Variants in ADAM30 observed in about 807,000 individuals in gnomAD.
The protein encoded by ADAM30 is ADAM metallopeptidase domain 30.
For missense variants in ADAM30, 960 were observed against 959.4 expected, an observed-to-expected ratio of 1.00 and a Z score of -0.01; for synonymous variants, 382 against 340.9, an observed-to-expected ratio of 1.12 and a Z score of -1.33.
At position 119,894,035 on chromosome 1, in the gene ADAM30, G is replaced by A; in HGVS notation, c.2302C>T (p.Gln768Ter). 3 of 1,613,292 alleles carry A rather than the reference G, an allele frequency of 1.9e-6. No individual in the cohort carries two copies. The highest frequency in any genetic ancestry group is 2.5e-6 in the Non-Finnish European group (3 of 1,179,618). Residue 768 changes from glutamine to a stop codon, truncating the protein, a stop_gained, in exon 1 of 1, where the codon CAG (glutamine) becomes TAG (stop). Coordinates refer to ENST00000369400, the MANE Select transcript of ADAM30 (RefSeq NM_021794.4). LOFTEE classifies it low-confidence loss of function (END_TRUNC). ...TCAATGTTTGCTTTAGATTCTTCCT[G>A]TCCAGTTTTTGCTTTAGATTCTTCC... The part of the protein sequence containing the change: ...GQEESKAKTG[Q>*]EESKANIESK...
In ADAM30 at chr1:119,894,791, T is replaced by C. The variant is rs201440427; in HGVS notation, c.1546A>G (p.Met516Val). The change falls in exon 1 of 1, where the codon ATG (methionine) becomes GTG (valine). Residue 516 changes from methionine to valine, a missense_variant. Transcript: ENST00000369400. ...QCQSIFGPDA[M>V]EAPSECYDAV... ...TCATAGCACTCACTAGGAGCCTCCA[T>C]GGCATCAGGTCCAAAAATGCTTTGG... The C allele has an allele frequency of 6.2e-7, 1 of 1,614,212 alleles. No homozygotes were observed.
At position 119,893,980 on chromosome 1, in the gene ADAM30, T is replaced by C. The variant is rs1346262248; in HGVS notation, c.2357A>G (p.Lys786Arg). Residue 786 changes from lysine (K) to arginine (R), a missense_variant, in exon 1 of 1, where the codon AAG becomes AGG. Coordinates refer to ENST00000369400, the MANE Select transcript of ADAM30 (RefSeq NM_021794.4). ...ESKRPKAKSV[K>R]KQKK ...ATTGCCCGGTTACTTTTTTTGTTTC[T>C]TGACACTCTTTGCTTTGGGTCGTTT... The C allele has an allele frequency of 1.2e-6, 2 of 1,609,000 alleles. No homozygotes were observed. The highest frequency in any genetic ancestry group is 2.2e-5 in the East Asian group (1 of 44,872).
Position 119,894,503 on chromosome 1 carries a change from A to C in ADAM30, c.1834T>G (p.Cys612Gly). ...DLGMINDGTS[C>G]GEGRVCFKKN... ...TTAAAACATACCCGGCCTTCTCCAC[A>C]GGAGGTGCCATCATTTATCATACCT... Residue 612 changes from cysteine to glycine, a missense_variant, in exon 1 of 1, where the codon TGT becomes GGT. Transcript: ENST00000369400. The C allele has an allele frequency of 1.9e-6, 3 of 1,614,066 alleles. No homozygotes were observed. The highest frequency in any genetic ancestry group is 2.5e-6 in the Non-Finnish European group (3 of 1,180,036).
Position 119,893,949 on chromosome 1 carries a change from G to C in ADAM30, c.*15C>G. 6.3e-7 allele frequency: 1 copy of C among 1,599,938 alleles called. No homozygotes were observed. The highest frequency in any genetic ancestry group is 8.5e-7 in the Non-Finnish European group (1 of 1,175,866). Reference sequence around the variant, plus strand: ...TAAATGAGCCTGTGTTACTGAATGAGTATGGATTGCCCGGTTACTTTTTTT... The same window carrying C: ...TAAATGAGCCTGTGTTACTGAATGACTATGGATTGCCCGGTTACTTTTTTT... On this transcript the variant is annotated 3_prime_UTR_variant, in exon 1 of 1. Transcript: ENST00000369400.
At position 119,895,237 on chromosome 1, in the gene ADAM30, C is replaced by G; in HGVS notation, c.1100G>C (p.Arg367Pro). The G allele has an allele frequency of 6.2e-7, 1 of 1,614,122 alleles. No homozygotes were observed. Among genetic ancestry groups the G allele is most frequent in the Non-Finnish European group, 8.5e-7 (1 of 1,180,008 alleles). ...GRLNCIMGSG[R>P]TGFSNCSYIS... ...ATAACTGCAATTGCTAAACCCAGTG[C>G]GTCCTGAGCCCATGATGCAATTAAG... The change falls in exon 1 of 1, where the codon CGC (arginine) becomes CCC (proline). Residue 367 changes from arginine to proline, a missense_variant. Transcript: ENST00000369400.
chr1:119,894,292 A>G lies in ADAM30; in HGVS notation c.2045T>C (p.Ile682Thr), dbSNP rs903353815. Residue 682 changes from isoleucine (I) to threonine (T), a missense_variant, in exon 1 of 1, where the codon ATT becomes ACT. Coordinates refer to ENST00000369400, the MANE Select transcript of ADAM30 (RefSeq NM_021794.4). ...SGPPGLLRGA[I>T]PSSIWVVSII... Reference sequence around the variant, plus strand: ...GGACACAACCCAAATTGACGAGGGAATCGCCCCTCTGAGCAGTCCTGGAGG... The same window carrying G: ...GGACACAACCCAAATTGACGAGGGAGTCGCCCCTCTGAGCAGTCCTGGAGG... The G allele has an allele frequency of 6.2e-7, 1 of 1,614,202 alleles. No individual in the cohort carries two copies. The highest frequency in any genetic ancestry group is 8.5e-7 in the Non-Finnish European group (1 of 1,180,028).
Position 119,894,874 on chromosome 1 carries a change from G to C in ADAM30, c.1463C>G (p.Pro488Arg). Residue 488 changes from proline (P) to arginine (R), a missense_variant, in exon 1 of 1, where the codon CCT becomes CGT. Transcript: ENST00000369400. ...GAAACAACGGCCTTCATACTTGCAAGGGGTTCCATCCTGCTTATAAACGTC... is the reference window on the plus strand; with the variant it reads ...GAAACAACGGCCTTCATACTTGCAACGGGTTCCATCCTGCTTATAAACGTC... ...PNDVYKQDGTPCKYEGRCFRK... is the reference protein window; with the variant it reads ...PNDVYKQDGTRCKYEGRCFRK... The C allele has an allele frequency of 6.2e-7, 1 of 1,614,158 alleles. No individual in the cohort carries two copies. Among genetic ancestry groups the C allele is most frequent in the Non-Finnish European group, 8.5e-7 (1 of 1,180,016 alleles).
Position 119,896,331 on chromosome 1 carries a change from C to T in ADAM30, c.6G>A (p.Arg2=). The change falls in exon 1 of 1, where the codon AGG becomes AGA. Residue 2 remains arginine (R), a synonymous_variant. Transcript: ENST00000369400. ...ATTGGGAGAGGAAGATCTGCACTGA[C>T]CTCATGGTCTGTTCCCTACTCAGCC... is the stretch of plus-strand genomic sequence containing the variant. M[R]SVQIFLSQCR... The T allele has an allele frequency of 6.4e-7, 1 of 1,570,054 alleles. No homozygotes were observed. Among genetic ancestry groups the T allele is most frequent in the Non-Finnish European group, 8.6e-7 (1 of 1,157,364 alleles).
chr1:119,894,210 C>A lies in ADAM30; in HGVS notation c.2127G>T (p.Arg709=). The A allele has an allele frequency of 6.2e-7, 1 of 1,613,576 alleles. No homozygotes were observed. Among genetic ancestry groups the A allele is most frequent in the Admixed American group, 1.7e-5 (1 of 59,952 alleles). Residue 709 remains arginine (R), a synonymous_variant, in exon 1 of 1, where the codon CGG becomes CGT. Coordinates refer to ENST00000369400, the MANE Select transcript of ADAM30 (RefSeq NM_021794.4). The part of the protein sequence containing the change: ...LILSVVFVFF[R]QVIGNHLKPK... Reference sequence around the variant, plus strand: ...GTTTTAAGTGGTTTCCTATCACTTGCCGGAAAAACACAAAAACCACTGAAA... The same window carrying A: ...GTTTTAAGTGGTTTCCTATCACTTGACGGAAAAACACAAAAACCACTGAAA...
At position 119,893,960 on chromosome 1, in the gene ADAM30, C is replaced by A. The variant is rs755555218; in HGVS notation, c.*4G>T. 1 of 1,605,276 alleles carries A rather than the reference C, an allele frequency of 6.2e-7. No individual in the cohort carries two copies. Among genetic ancestry groups the A allele is most frequent in the South Asian group, 1.1e-5 (1 of 88,474 alleles). ...GTGTTACTGAATGAGTATGGATTGC[C>A]CGGTTACTTTTTTTGTTTCTTGACA... On this transcript the variant is annotated 3_prime_UTR_variant, in exon 1 of 1. Transcript: ENST00000369400.
Position 119,894,215 on chromosome 1 carries a change from A to G in ADAM30, c.2122T>C (p.Phe708Leu). 1.2e-6 allele frequency: 2 copies of G among 1,613,822 alleles called. No homozygotes were observed. The highest frequency in any genetic ancestry group is 1.7e-6 in the Non-Finnish European group (2 of 1,179,990). Reference sequence around the variant, plus strand: ...AAGTGGTTTCCTATCACTTGCCGGAAAAACACAAAAACCACTGAAAGGATT... The same window carrying G: ...AAGTGGTTTCCTATCACTTGCCGGAGAAACACAAAAACCACTGAAAGGATT... ...LLILSVVFVF[F>L]RQVIGNHLKP... The change falls in exon 1 of 1, where the codon TTC becomes CTC. Residue 708 changes from phenylalanine (F) to leucine (L), a missense_variant. Physicochemically the swap from Phe to Leu is conservative, Grantham distance 22 (BLOSUM62 0). Coordinates refer to ENST00000369400, the MANE Select transcript of ADAM30 (RefSeq NM_021794.4).
At position 119,894,001 on chromosome 1, in the gene ADAM30, C is replaced by T. The variant is rs202072496; in HGVS notation, c.2336G>A (p.Arg779Gln). The change falls in exon 1 of 1, where the codon CGA becomes CAA. Residue 779 changes from arginine to glutamine, a missense_variant. Arg to Gln is a conservative substitution (Grantham distance 43). Transcript: ENST00000369400. ...TTTCTTGACACTCTTTGCTTTGGGT[C>T]GTTTACTTTCAATGTTTGCTTTAGA... The part of the protein sequence containing the change: ...EESKANIESK[R>Q]PKAKSVKKQK... The T allele has an allele frequency of 1.4e-5, 23 of 1,612,836 alleles. No individual in the cohort carries two copies. Among genetic ancestry groups the T allele is most frequent in the African/African-American group, 1.1e-4 (8 of 74,784 alleles).
chr1:119,894,381 G>A lies in ADAM30; in HGVS notation c.1956C>T (p.Cys652=). Residue 652 remains cysteine, a synonymous_variant, in exon 1 of 1, where the codon TGC becomes TGT. Transcript: ENST00000369400. ...GVCNNRKNCH[C]MYGWAPPFCE... is the part of the protein sequence containing the mutation. ...AGAATGGAGGTGCCCACCCATACAT[G>A]CAGTGGCAGTTTTTTCTGTTGTTGC... 6 of 1,614,160 alleles carry A rather than the reference G, an allele frequency of 3.7e-6. No homozygotes were observed. Among genetic ancestry groups the A allele is most frequent in the African/African-American group, 1.3e-5 (1 of 75,032 alleles).
chr1:119,895,646 T>C lies in ADAM30; in HGVS notation c.691A>G (p.Ile231Val), dbSNP rs1487326035. Residue 231 changes from isoleucine (I) to valine (V), a missense_variant, in exon 1 of 1, where the codon ATT becomes GTT. Transcript: ENST00000369400. ...NNLSQVIHDA[I>V]LLTGIMDTYF... The stretch of plus-strand genomic sequence containing the variant: ...GTGTCCATAATCCCAGTCAAAAGAA[T>C]GGCATCATGTATGACTTGAGAAAGA... The C allele has an allele frequency of 6.2e-7, 1 of 1,614,130 alleles. No homozygotes were observed. The highest frequency in any genetic ancestry group is 1.1e-5 in the South Asian group (1 of 91,066).
rs753167602 is a variant in ADAM30, at chr1:119,895,741, T to C, written c.596A>G (p.Tyr199Cys). The change falls in exon 1 of 1, where the codon TAT becomes TGT. Residue 199 changes from tyrosine (Y) to cysteine (C), a missense_variant. By Grantham distance (194) the Tyr-to-Cys change is radical (BLOSUM62 -2). Transcript: ENST00000369400. ...CAATTCCAAGTACTTTGGGTGTTTA[T>C]AGGATCCAGGAAAGTCCCTTAGCCT... ...KARLRDFPGSYKHPKYLELIL... is the reference protein window; with the variant it reads ...KARLRDFPGSCKHPKYLELIL... The C allele has an allele frequency of 1.2e-6, 2 of 1,614,114 alleles. No individual in the cohort carries two copies. The highest frequency in any genetic ancestry group is 2.2e-5 in the South Asian group (2 of 91,044).
In ADAM30 at chr1:119,894,564, A is replaced by G. The variant is rs1378880060; in HGVS notation, c.1773T>C (p.Tyr591=). The change falls in exon 1 of 1, where the codon TAT becomes TAC. Residue 591 remains tyrosine, a synonymous_variant. Coordinates refer to ENST00000369400, the MANE Select transcript of ADAM30 (RefSeq NM_021794.4). The part of the protein sequence containing the change: ...AENLMCWGTG[Y]HLSMKPMGIP... ...TTCCCATGGGTTTCATGGATAGATG[A>G]TAGCCTGTGCCCCAGCACATGAGAT... The G allele has an allele frequency of 6.2e-7, 1 of 1,613,946 alleles. No homozygotes were observed. The highest frequency in any genetic ancestry group is 8.5e-7 in the Non-Finnish European group (1 of 1,180,044).
At position 119,895,552 on chromosome 1, in the gene ADAM30, A is replaced by G; in HGVS notation, c.785T>C (p.Ile262Thr). Residue 262 changes from isoleucine to threonine, a missense_variant, in exon 1 of 1, where the codon ATA becomes ACA. Ile to Thr is a moderately conservative substitution (Grantham distance 89, BLOSUM62 -1). Transcript: ENST00000369400. ...ALEVWTDFNK[I>T]RVGYPELAEV... is the part of the protein sequence containing the mutation. ...AGCTAACTCTGGATATCCAACGCGT[A>G]TTTTGTTAAAATCTGTCCATACTTC... 5 of 1,613,856 alleles carry G rather than the reference A, an allele frequency of 3.1e-6. No individual in the cohort carries two copies. Among genetic ancestry groups the G allele is most frequent in the Non-Finnish European group, 4.2e-6 (5 of 1,180,024 alleles).
rs1223439366 is a variant in ADAM30, at chr1:119,895,357, G to C, written c.980C>G (p.Thr327Arg). The change falls in exon 1 of 1, where the codon ACA (threonine) becomes AGA (arginine). Residue 327 changes from threonine to arginine, a missense_variant. By Grantham distance (71) the Thr-to-Arg change is moderately conservative. Transcript: ENST00000369400. ...YAGSVSTLLD[T>R]NILAPATWSA... ...CCAGGTAGCAGGGGCAAGGATATTT[G>C]TATCTAGTAAAGTACTCACTGATCC... is the stretch of plus-strand genomic sequence containing the variant. 2 of 1,614,098 alleles carry C rather than the reference G, an allele frequency of 1.2e-6. No individual in the cohort carries two copies. The highest frequency in any genetic ancestry group is 3.3e-5 in the Admixed American group (2 of 60,024).
At position 119,896,121 on chromosome 1, in the gene ADAM30, C is replaced by G; in HGVS notation, c.216G>C (p.Lys72Asn). The change falls in exon 1 of 1, where the codon AAG becomes AAC. Residue 72 changes from lysine to asparagine, a missense_variant. Lys to Asn is a moderately conservative substitution (Grantham distance 94). Coordinates refer to ENST00000369400, the MANE Select transcript of ADAM30 (RefSeq NM_021794.4). ...VSYLLQLKGKKHVLHLWPKRL... is the reference protein window; with the variant it reads ...VSYLLQLKGKNHVLHLWPKRL... ...TCTTGGGCCACAAATGGAGGACGTG[C>G]TTCTTGCCTTTTAACTGCAGTAGGT... is the stretch of plus-strand genomic sequence containing the variant. 15 of 1,614,058 alleles carry G rather than the reference C, an allele frequency of 9.3e-6. No individual in the cohort carries two copies. The highest frequency in any genetic ancestry group is 1.3e-5 in the Non-Finnish European group (15 of 1,179,980).
Sources: allele counts gnomAD v4.1 joint callset, GRCh38; gene constraint gnomAD v4.1.1; transcripts MANE v1.5; gene names NCBI Gene and HGNC (gene_info 2026-07-23, HGNC 2026-07-21).